Variants in SMIM45 observed in about 807,000 individuals in gnomAD.
SMIM45 encodes the protein small integral membrane protein 45, also known as long intergenic non-protein coding RNA 634.
chr22:41,952,685 G>C, the SMIM45 span, among the ~76,000 whole-genome samples: 1 of 152,220 alleles, frequency 6.6e-6, no homozygotes, highest in Non-Finnish European at 1.5e-5. Context: ...AGTTCCCTGA[G>C]AAATCAGGAA....
chr22:41,946,955 C>T, the SMIM45 span: 1 of 1,531,668 alleles, frequency 6.5e-7, no homozygotes, highest in Non-Finnish European at 9.0e-7. Flanking sequence ...GCTCAGTTGA[C>T]CTAGTGGCTG....
chr22:41,954,729 C>T, the SMIM45 span, among the ~76,000 whole-genome samples: 2 of 151,824 alleles, frequency 1.3e-5, no homozygotes, highest in African/African-American at 4.8e-5. Context: ...CTGGGTGGGC[C>T]GAGCACGGTG....
At chr22:41,947,071 C>T in the SMIM45 span, 38 of 1,612,750 alleles carry the variant, frequency 2.4e-5, no homozygotes, top group South Asian at 1.1e-5. Context: ...GCCTCAACAC[C>T]GACATCACAG....
chr22:41,947,026 G>C, the SMIM45 span: 1 of 1,612,868 alleles, frequency 6.2e-7, no homozygotes, highest in Non-Finnish European at 8.5e-7. Context: ...CTACCAAGAT[G>C]GTGGCCGTGT....
chr22:41,951,621 T>C, the SMIM45 span, among the ~76,000 whole-genome samples: 1 of 152,202 alleles, frequency 6.6e-6, no homozygotes, highest in Non-Finnish European at 1.5e-5. Flanking sequence ...AGGCTAGGGC[T>C]CTGACCCTGG....
the SMIM45 span, chr22:41,958,570 GC>G: frequency 2.8e-6 from 1 of 351,156 alleles, no homozygotes; most frequent in Non-Finnish European, 5.7e-6. Context: ...GAGTGTGGGG[GC>G]CCCAGGCAGG....
chr22:41,950,999 A>AG, the SMIM45 span, among the ~76,000 whole-genome samples: 1 of 152,222 alleles, frequency 6.6e-6, no homozygotes, highest in Non-Finnish European at 1.5e-5. Flanking sequence ...CTCAAAAAAA[A>AG]CAAACCCTCT....
At chr22:41,955,762 C>T in the SMIM45 span, among the ~76,000 whole-genome samples, 5 of 147,836 alleles carry the variant, frequency 3.4e-5, 1 homozygote, top group Non-Finnish European at 7.4e-5. Flanking sequence ...GCCGAGATGG[C>T]GCCACTGCAT....
At chr22:41,949,230 T>G in the SMIM45 span, among the ~76,000 whole-genome samples, 26 of 148,818 alleles carry the variant, frequency 1.7e-4, no homozygotes, top group African/African-American at 6.5e-4. Flanking sequence ...GGGTGACATG[T>G]GAGACTCCAT....
the SMIM45 span, among the ~76,000 whole-genome samples, chr22:41,956,477 C>T: frequency 6.6e-6 from 1 of 152,214 alleles, no homozygotes; most frequent in East Asian, 1.9e-4. Flanking sequence ...TTTCACCAGG[C>T]CACACTTGGC....
At chr22:41,950,836 CA>C in the SMIM45 span, among the ~76,000 whole-genome samples, 1 of 152,094 alleles carries the variant, frequency 6.6e-6, no homozygotes, top group African/African-American at 2.4e-5. Context: ...TACTAAAATA[CA>C]AAAAATTAGC....
At chr22:41,955,623 G>T in the SMIM45 span, among the ~76,000 whole-genome samples, 6 of 151,744 alleles carry the variant, frequency 4.0e-5, no homozygotes. Flanking sequence ...TGGCTAACAC[G>T]GTGAAACCCC....
chr22:41,955,805 CA>C, the SMIM45 span, among the ~76,000 whole-genome samples: 16,043 of 104,168 alleles, frequency 0.15, 921 homozygotes, highest in Admixed American at 0.26. Context: ...GACTCCGTCT[CA>C]AAAAAAAAAA....
At chr22:41,953,667 G>A in the SMIM45 span, among the ~76,000 whole-genome samples, 2 of 151,618 alleles carry the variant, frequency 1.3e-5, no homozygotes, top group Non-Finnish European at 2.9e-5. Flanking sequence ...TATAACTAGG[G>A]AAGGTTGGGG....
chr22:41,958,608 C>T, the SMIM45 span: 2 of 350,808 alleles, frequency 5.7e-6, no homozygotes, highest in Admixed American at 3.8e-5. Flanking sequence ...ACGGGGTGAA[C>T]TCCGTGGGCT....
At chr22:41,947,108 G>T in the SMIM45 span, 3 of 1,609,504 alleles carry the variant, frequency 1.9e-6, no homozygotes, top group Non-Finnish European at 8.5e-7. Context: ...TGCTCCTGCG[G>T]TGCGCGCCGA....
chr22:41,957,618 G>C, the SMIM45 span: 5 of 152,820 alleles, frequency 3.3e-5, no homozygotes, highest in Non-Finnish European at 7.3e-5. Context: ...CTCCCTCTGG[G>C]TGGGCGGGAC....
chr22:41,957,049 G>A, the SMIM45 span, among the ~76,000 whole-genome samples: 21 of 152,108 alleles, frequency 1.4e-4, no homozygotes, highest in African/African-American at 4.6e-4. Context: ...CCAAAGTGCT[G>A]GGATTACAGG....
At chr22:41,953,221 C>T in the SMIM45 span, among the ~76,000 whole-genome samples, 1 of 152,144 alleles carries the variant, frequency 6.6e-6, no homozygotes, top group Non-Finnish European at 1.5e-5. Context: ...AGCATCTTTC[C>T]CTCCCCTGGG....
Sources: gnomAD v4.1 joint callset for allele counts (sites outside exome capture counted in the v4.1 genomes callset) on GRCh38, gnomAD v4.1.1 for gene constraint, MANE v1.5 for transcripts, NCBI Gene and HGNC (gene_info 2026-07-23, HGNC 2026-07-21) for gene names.